RETREG1: variants seen among roughly 807,000 people sequenced by gnomAD.
RETREG1 encodes the protein reticulophagy regulator 1, also known as family with sequence similarity 134 member B.
Under a neutral mutation model 54.8 loss-of-function variants are expected in RETREG1, and 44 were observed. That is an observed-to-expected ratio of 0.80 (90% confidence interval 0.63 to 1.03). The LOEUF is 1.03. RETREG1 is among the 50% of genes least tolerant of loss of function. The pLI is 0.00. For missense variants in RETREG1, 554 were observed against 605.1 expected (o/e 0.92, Z 0.89); for synonymous variants, 217 against 238.5 (o/e 0.91, Z 0.83).
At chr5:16,604,393 C>G (rs902814530) in intron 1 of RETREG1, among the ~76,000 whole-genome samples, 21 of 152,204 alleles carry the variant, frequency 1.4e-4, no homozygotes, top group African/African-American at 5.1e-4. Context: ...CACCAAGTGC[C>G]TAGCAAAGCA....
intron 3 of RETREG1, among the ~76,000 whole-genome samples, chr5:16,552,353 C>T (rs1340404404): frequency 1.3e-5 from 2 of 152,042 alleles, no homozygotes; most frequent in African/African-American, 4.8e-5. Flanking sequence ...GATCTGGAGT[C>T]CTCAAGAAAA....
intron 3 of RETREG1, among the ~76,000 whole-genome samples, chr5:16,498,028 TA>T (rs1391611907): frequency 6.6e-6 from 1 of 152,232 alleles, no homozygotes; most frequent in Non-Finnish European, 1.5e-5. Flanking sequence ...TCTAGGTTTA[TA>T]ATTTCTCTAT....
chr5:16,611,240 A>T (rs962440311), intron 1 of RETREG1, among the ~76,000 whole-genome samples: 2 of 152,116 alleles, frequency 1.3e-5, no homozygotes, highest in Admixed American at 6.5e-5. Context: ...AACATCACAC[A>T]CCAGGGCCTG....
intron 3 of RETREG1, among the ~76,000 whole-genome samples, chr5:16,544,599 G>A (rs1167738992): frequency 6.6e-6 from 1 of 152,158 alleles, no homozygotes; most frequent in African/African-American, 2.4e-5. Flanking sequence ...TCTGTTTGTG[G>A]TACAAGGGAT....
chr5:16,566,763 T>A lies in RETREG1; in HGVS notation c.428-970A>T, dbSNP rs115391026. On this transcript the variant is annotated intron_variant, in intron 2 of 8. Transcript: ENST00000306320. ...TGTTGATCAATCAGTGGTTACCAGG[T>A]TAGACTCTTGCTCCTCTTCTAGACC... Among the ~76,000 whole-genome samples the A allele has an allele frequency of 7.0e-3, 1,065 of 152,360 alleles. 8 individuals carry two copies. The highest frequency in any genetic ancestry group is 0.024 in the African/African-American group (993 of 41,596).
intron 3 of RETREG1, among the ~76,000 whole-genome samples, chr5:16,493,131 C>T (rs1294569309): frequency 1.3e-5 from 2 of 151,172 alleles, no homozygotes; most frequent in African/African-American, 2.4e-5. Context: ...AGATCAGCTA[C>T]TTACTTTTGC....
intron 1 of RETREG1, among the ~76,000 whole-genome samples, chr5:16,611,053 T>A (rs1475448886): frequency 5.9e-5 from 9 of 152,156 alleles, no homozygotes; most frequent in Admixed American, 5.9e-4. Flanking sequence ...TGGCACATAT[T>A]CACCATGGAA....
chr5:16,553,329 GA>G (rs11376896), intron 3 of RETREG1, among the ~76,000 whole-genome samples: 1 of 150,624 alleles, frequency 6.6e-6, no homozygotes, highest in Admixed American at 6.6e-5. Context: ...AAACGTGTAA[GA>G]AAAAAAAACA....
In RETREG1 at chr5:16,539,622, G is replaced by A. The variant is rs138466987; in HGVS notation, c.458+26141C>T. Among the ~76,000 whole-genome samples the A allele has an allele frequency of 1.8e-3, 277 of 152,242 alleles. 4 individuals are homozygous for A. In the South Asian group the frequency reaches 0.029, roughly 16 times the overall value. The stretch of plus-strand genomic sequence containing the variant: ...GTCCCATGCTTGCTCCTGCAACTGA[G>A]CCTCCCAGTCCTTTCCAATCAACCA... On this transcript the variant is annotated intron_variant, in intron 3 of 8. Transcript: ENST00000306320.
intron 8 of RETREG1, among the ~76,000 whole-genome samples, chr5:16,475,576 G>A (rs1343947411): frequency 6.6e-6 from 1 of 152,100 alleles, no homozygotes; most frequent in Non-Finnish European, 1.5e-5. Context: ...TCCCCATCCT[G>A]CGCCTAGGGT....
chr5:16,602,933 GGGA>G (rs1166593022), intron 1 of RETREG1, among the ~76,000 whole-genome samples: 2 of 152,124 alleles, frequency 1.3e-5, no homozygotes, highest in Non-Finnish European at 2.9e-5. Context: ...GCTTGAACCT[GGGA>G]GGAGGAGGTT....
chr5:16,559,809 A>T (rs1741807895), intron 3 of RETREG1, among the ~76,000 whole-genome samples: 1 of 152,228 alleles, frequency 6.6e-6, no homozygotes, highest in Non-Finnish European at 1.5e-5. Context: ...AGAGGACTTT[A>T]TTCAATCAAA....
At chr5:16,538,672 G>T (rs909661994) in intron 3 of RETREG1, among the ~76,000 whole-genome samples, 1 of 151,624 alleles carries the variant, frequency 6.6e-6, no homozygotes, top group Admixed American at 6.6e-5. Flanking sequence ...CATAACCTTA[G>T]CATCAAGAAG....
intron 3 of RETREG1, chr5:16,508,633 AAC>A: frequency 6.2e-7 from 1 of 1,614,158 alleles, no homozygotes; most frequent in South Asian, 1.1e-5. Flanking sequence ...TAAAAATAAT[AAC>A]AGTGGCAAAG....
intron 3 of RETREG1, among the ~76,000 whole-genome samples, chr5:16,550,771 T>C (rs1356936975): frequency 1.3e-5 from 2 of 152,240 alleles, no homozygotes; most frequent in East Asian, 1.9e-4. Flanking sequence ...ATCCAAATGA[T>C]GGAATAGTAT....
chr5:16,571,972 T>C (rs770283437), intron 2 of RETREG1, 24 bp downstream of exon 2: 3 of 1,534,516 alleles, frequency 2.0e-6, no homozygotes, highest in Non-Finnish European at 1.8e-6. Flanking sequence ...AAATACCATA[T>C]AAATAAAATC....
intron 2 of RETREG1, among the ~76,000 whole-genome samples, chr5:16,569,527 T>C (rs1033675969): frequency 6.6e-6 from 1 of 152,152 alleles, no homozygotes; most frequent in Non-Finnish European, 1.5e-5. Context: ...CATGTGGCCC[T>C]GATGACATGT....
At chr5:16,518,021 C>A (rs1740413816) in intron 3 of RETREG1, among the ~76,000 whole-genome samples, 1 of 150,262 alleles carries the variant, frequency 6.7e-6, no homozygotes, top group African/African-American at 2.4e-5. Flanking sequence ...GAATAGAAAT[C>A]AAAATATATA....
intron 3 of RETREG1, among the ~76,000 whole-genome samples, chr5:16,534,171 C>T (rs909380723): frequency 3.3e-5 from 5 of 152,120 alleles, no homozygotes; most frequent in African/African-American, 7.2e-5. Flanking sequence ...AAAACTTGGC[C>T]GGGCATGGTG....
Sources: gnomAD v4.1 joint callset for allele counts (sites outside exome capture counted in the v4.1 genomes callset) on GRCh38, gnomAD v4.1.1 for gene constraint, MANE v1.5 for transcripts, NCBI Gene and HGNC (gene_info 2026-07-23, HGNC 2026-07-21) for gene names.